ERCC8: variants seen among roughly 807,000 people sequenced by gnomAD.
ERCC8 encodes DNA excision repair protein ERCC-8.
In ERCC8, 52 loss-of-function variants were observed where a neutral mutation model predicts 54.9. The observed-to-expected ratio is 0.95, with a 90% confidence interval of 0.76 to 1.19. ERCC8 has a LOEUF of 1.19. Among genes scored for constraint, ERCC8 ranks in the 50% most tolerant of loss-of-function variants. The probability of loss-of-function intolerance (pLI) is 0.00; values close to 1 mark genes in which losing one functional copy is unlikely to be tolerated. For missense variants in ERCC8, 514 were observed against 466.1 expected, an observed-to-expected ratio of 1.10 and a Z score of -0.95; for synonymous variants, 146 against 157.2, an observed-to-expected ratio of 0.93 and a Z score of 0.53.
chr5:60,903,688 A>G lies in ERCC8; in HGVS notation c.510T>C (p.Leu170=), dbSNP rs886042104. 8.1e-6 allele frequency: 13 copies of G among 1,612,722 alleles called. No homozygotes were observed. In the Admixed American group the frequency reaches 2.0e-4, roughly 25 times the overall value. The change falls in exon 6 of 12, where the codon CTT becomes CTC. Residue 170 remains leucine (L), a synonymous_variant. Coordinates refer to ENST00000676185, the MANE Select transcript of ERCC8 (RefSeq NM_000082.4). ...AACAGGATCCAGACTTCAAGTCACA[A>G]AGTTGTACTTTGGGTCCTCTAGTAC... ...AVGTRGPKVQ[L]CDLKSGSCSH...
intron 11 of ERCC8, 34 bp from the exon 12 acceptor site, chr5:60,874,717 T>C (rs762331965): frequency 2.6e-6 from 4 of 1,544,318 alleles, no homozygotes; most frequent in East Asian, 2.3e-5. Flanking sequence ...AAAGGAAGAT[T>C]CTGTTTTTTC....
rs1561519358 is a variant in ERCC8, at chr5:60,938,349, A to ATTTTTTTTTTTT, written c.77+6582_77+6583insAAAAAAAAAAAA. On this transcript the variant is annotated intron_variant, in intron 1 of 11. Transcript: ENST00000676185. ...GGCCTGTAAGATAGCTACCTTTTTG[A>ATTTTTTTTTTTT]ATTTTTTTTTTTTTTTTTTTTTTGA... Among the ~76,000 whole-genome samples, 5 of 108,768 alleles carry ATTTTTTTTTTTT rather than the reference A, an allele frequency of 4.6e-5. 2 individuals carry two copies. The highest frequency in any genetic ancestry group is 1.1e-4 in the Admixed American group (1 of 9,324). The allele number at this position is 108,768 out of a possible 152,430, so 71.4% of individuals were successfully genotyped here.
intron 1 of ERCC8, among the ~76,000 whole-genome samples, chr5:60,943,579 G>A (rs1750328509): frequency 6.6e-6 from 1 of 152,160 alleles, no homozygotes; most frequent in African/African-American, 2.4e-5. Flanking sequence ...CTGTGCCCTT[G>A]AGATAAACCC....
At chr5:60,931,233 T>C (rs186845372) in intron 1 of ERCC8, among the ~76,000 whole-genome samples, 1 of 152,288 alleles carries the variant, frequency 6.6e-6, no homozygotes, top group Non-Finnish European at 1.5e-5. Flanking sequence ...ATAAGATTAA[T>C]AGAAGAGTAA....
chr5:60,929,292 A>G (rs1197826219), intron 1 of ERCC8, among the ~76,000 whole-genome samples: 1 of 152,166 alleles, frequency 6.6e-6, no homozygotes, highest in African/African-American at 2.4e-5. Flanking sequence ...TTAAAGACGG[A>G]CAGAAATAAA....
intron 2 of ERCC8, among the ~76,000 whole-genome samples, chr5:60,927,234 T>C (rs896748931): frequency 6.6e-6 from 1 of 152,234 alleles, no homozygotes; most frequent in African/African-American, 2.4e-5. Flanking sequence ...GTTTCCAATC[T>C]GATTTTCAGT....
chr5:60,889,209 G>A (rs550828746), intron 10 of ERCC8, among the ~76,000 whole-genome samples: 1 of 152,288 alleles, frequency 6.6e-6, no homozygotes, highest in East Asian at 1.9e-4. Context: ...CTCCTTCAGG[G>A]TAAAATTAAT....
chr5:60,905,711 A>G (rs1344382223), intron 4 of ERCC8, among the ~76,000 whole-genome samples: 1 of 152,270 alleles, frequency 6.6e-6, no homozygotes, highest in Non-Finnish European at 1.5e-5. Context: ...CCTGCTGCAC[A>G]AACAAAATCA....
intron 4 of ERCC8, chr5:60,915,123 T>TTAAA (rs973771840): frequency 9.9e-5 from 15 of 152,064 alleles, no homozygotes; most frequent in African/African-American, 3.6e-4. Flanking sequence ...TTCCTTTTTT[T>TTAAA]CCTCTTGAAG....
rs549667662 is a variant in ERCC8 at position 60,882,549 on chromosome 5, C to T, written c.1122+4891G>A. On this transcript the variant is annotated intron_variant, in intron 11 of 11. Transcript: ENST00000676185. ...AGCTGTGACTACAGGCGCATGCCAC[C>T]GGCGAATTTTTGTATTTTTAGTAGA... is the stretch of plus-strand genomic sequence containing the variant. Among the ~76,000 whole-genome samples the T allele has an allele frequency of 6.0e-4, 92 of 152,082 alleles. 1 individual carries two copies. Among genetic ancestry groups the T allele is most frequent in the African/African-American group, 2.0e-3 (82 of 41,508 alleles).
At chr5:60,929,878 C>A (rs1162017472) in intron 1 of ERCC8, among the ~76,000 whole-genome samples, 2 of 152,024 alleles carry the variant, frequency 1.3e-5, no homozygotes, top group Non-Finnish European at 2.9e-5. Flanking sequence ...ACTAATTTAA[C>A]CAGAATTATT....
Position 60,922,265 on chromosome 5 carries a change from G to GTAT in ERCC8, c.174-111_174-110insATA. 4.5e-6 allele frequency: 3 copies of GTAT among 661,682 alleles called. No individual in the cohort carries two copies. In the South Asian group the frequency reaches 5.5e-5, roughly 12 times the overall value. The allele number at this position is 661,682 out of a possible 1,614,324, so 41.0% of individuals were successfully genotyped here. ...ATTTGCAAACACTCAAATGTATTAA[G>GTAT]GATACATTAATTTATAATAAGTTAA... On this transcript the variant is annotated intron_variant, in intron 2 of 11. Coordinates refer to ENST00000676185, the MANE Select transcript of ERCC8 (RefSeq NM_000082.4).
intron 1 of ERCC8, among the ~76,000 whole-genome samples, chr5:60,942,705 T>C (rs1750297674): frequency 6.6e-6 from 1 of 152,208 alleles, no homozygotes; most frequent in Non-Finnish European, 1.5e-5. Flanking sequence ...ATGGATGTTC[T>C]CTTGATTATG....
intron 10 of ERCC8, among the ~76,000 whole-genome samples, chr5:60,890,400 A>T (rs1748512089): frequency 6.6e-6 from 1 of 152,218 alleles, no homozygotes; most frequent in South Asian, 2.1e-4. Context: ...ATATGAAAAG[A>T]TCTGGATGTA....
intron 11 of ERCC8, among the ~76,000 whole-genome samples, chr5:60,879,571 T>C (rs1748136459): frequency 6.6e-6 from 1 of 152,266 alleles, no homozygotes; most frequent in African/African-American, 2.4e-5. Context: ...GGTGCATATA[T>C]ATTTAGGATA....
intron 11 of ERCC8, among the ~76,000 whole-genome samples, chr5:60,875,962 A>C (rs1561492058): frequency 1.3e-5 from 2 of 152,154 alleles, no homozygotes; most frequent in East Asian, 3.9e-4. Flanking sequence ...ATATGTATAC[A>C]TGTGCCATGT....
At chr5:60,909,184 C>T (rs921203920) in intron 4 of ERCC8, among the ~76,000 whole-genome samples, 4 of 115,582 alleles carry the variant, frequency 3.5e-5, no homozygotes, top group Non-Finnish European at 6.7e-5. Context: ...AGAAAATCAT[C>T]GAGGACAAAG....
chr5:60,890,974 T>C lies in ERCC8; in HGVS notation c.956A>G (p.Tyr319Cys), dbSNP rs1197359584. Residue 319 changes from tyrosine (Y) to cysteine (C), a missense_variant, in exon 10 of 12, where the codon TAT becomes TGT. Coordinates refer to ENST00000676185, the MANE Select transcript of ERCC8 (RefSeq NM_000082.4). ...TATCTGTTCTCCTGAGTAAACTGTA[T>C]AAACAGCAATGGTGCTACCATATGG... Reference protein sequence around the residue: ...FVPYGSTIAVYTVYSGEQITM... With the variant: ...FVPYGSTIAVCTVYSGEQITM... 6.2e-7 allele frequency: 1 copy of C among 1,613,246 alleles called. No individual in the cohort carries two copies. Among genetic ancestry groups the C allele is most frequent in the South Asian group, 1.1e-5 (1 of 91,074 alleles).
intron 4 of ERCC8, among the ~76,000 whole-genome samples, chr5:60,911,652 TG>T (rs897561634): frequency 4.6e-5 from 7 of 152,202 alleles, no homozygotes; most frequent in African/African-American, 1.7e-4. Context: ...GTTTTAGACA[TG>T]AAGTCCTTGC....
Sources: allele counts gnomAD v4.1 joint callset (sites outside exome capture counted in the v4.1 genomes callset), GRCh38; gene constraint gnomAD v4.1.1; transcripts MANE v1.5; gene names NCBI Gene and HGNC (gene_info 2026-07-23, HGNC 2026-07-21).